The following GPD2 variants were observed in gnomAD, a reference collection of about 807,000 sequenced individuals.
The protein encoded by GPD2 is glycerol-3-phosphate dehydrogenase 2.
A neutral mutation model predicts 82.4 loss-of-function variants in GPD2; 54 were observed. The ratio of observed to expected loss-of-function variants is 0.66; its 90% CI spans 0.53 to 0.82. The LOEUF is 0.82. GPD2 is among the 40% of genes least tolerant of loss of function. The pLI is 0.00. For missense variants in GPD2, 748 were observed against 896.2 expected (o/e 0.83, Z 2.11); for synonymous variants, 288 against 306.1 (o/e 0.94, Z 0.62).
the GPD2 span, among the ~76,000 whole-genome samples, chr2:156,429,015 G>A: frequency 2.4e-4 from 36 of 152,286 alleles, no homozygotes; most frequent in African/African-American, 8.7e-4. Flanking sequence ...TCACTTTAAA[G>A]CTAATCATGT....
At chr2:156,523,670 C>CTAGATAGATAGATAGA (rs3086039) in intron 6 of GPD2, among the ~76,000 whole-genome samples, 122 of 146,700 alleles carry the variant, frequency 8.3e-4, no homozygotes, top group Middle Eastern at 3.5e-3. Flanking sequence ...AATTTCTTTT[C>CTAGATAGATAGATAGA]TAGATAGATA....
intron 1 of GPD2, among the ~76,000 whole-genome samples, chr2:156,468,228 G>C (rs1463313860): frequency 6.6e-6 from 1 of 152,130 alleles, no homozygotes; most frequent in East Asian, 1.9e-4. Flanking sequence ...GAGGGAAGAG[G>C]CTTTTGAGCT....
the GPD2 span, among the ~76,000 whole-genome samples, chr2:156,416,012 C>T: frequency 6.9e-6 from 1 of 145,206 alleles, no homozygotes; most frequent in Non-Finnish European, 1.5e-5. Flanking sequence ...CAGAGCGAGA[C>T]TCCGTCTCAA....
At chr2:156,516,367 A>G (rs932869947) in intron 6 of GPD2, among the ~76,000 whole-genome samples, 6 of 152,282 alleles carry the variant, frequency 3.9e-5, no homozygotes, top group South Asian at 2.1e-4. Flanking sequence ...AATAATTTTT[A>G]TAACTCCCAC....
intron 6 of GPD2, among the ~76,000 whole-genome samples, chr2:156,546,059 A>C (rs1686519768): frequency 6.6e-6 from 1 of 152,220 alleles, no homozygotes; most frequent in Non-Finnish European, 1.5e-5. Context: ...AAGAGAAAAC[A>C]GTTATAGTTC....
chr2:156,410,388 C>T, the GPD2 span, among the ~76,000 whole-genome samples: 2 of 152,208 alleles, frequency 1.3e-5, no homozygotes, highest in Non-Finnish European at 1.5e-5. Flanking sequence ...AAGGAGGACA[C>T]AAAACCTCAG....
chr2:156,579,644 T>C (rs1360302030), intron 15 of GPD2, 46 bp from the exon 16 acceptor site: 5 of 981,222 alleles, frequency 5.1e-6, no homozygotes, highest in Non-Finnish European at 8.2e-6. Context: ...AGCATATGCA[T>C]AATTTTTAAT....
chr2:156,401,868 A>C, the GPD2 span, among the ~76,000 whole-genome samples: 2 of 152,356 alleles, frequency 1.3e-5, no homozygotes, highest in East Asian at 3.8e-4. Context: ...AGGGGAAAAA[A>C]ATAAAGTGAA....
At chr2:156,494,420 AC>A (rs1424481400) in intron 2 of GPD2, among the ~76,000 whole-genome samples, 3 of 152,192 alleles carry the variant, frequency 2.0e-5, no homozygotes, top group Non-Finnish European at 2.9e-5. Context: ...GTCAACAGTT[AC>A]ATTGCTGGTA....
At chr2:156,458,525 G>A (rs1272348847) in intron 1 of GPD2, among the ~76,000 whole-genome samples, 1 of 152,148 alleles carries the variant, frequency 6.6e-6, no homozygotes, top group Non-Finnish European at 1.5e-5. Flanking sequence ...TTTTAGTTAG[G>A]GTGGAGATTT....
the GPD2 span, among the ~76,000 whole-genome samples, chr2:156,428,462 A>G: frequency 2.0e-5 from 3 of 152,230 alleles, no homozygotes; most frequent in African/African-American, 7.2e-5. Flanking sequence ...CTTGTACCAC[A>G]TTTGACTATT....
In GPD2 at chr2:156,586,262, A is replaced by G. The variant is rs1304024038; in HGVS notation, c.*3344A>G. ...ACAAACTGTGTTTTTGATGACACAA[A>G]AGTGAAATATCTACAGAGATAGATG... is the stretch of plus-strand genomic sequence containing the variant. On this transcript the variant is annotated 3_prime_UTR_variant, in exon 17 of 17. Coordinates refer to ENST00000438166, the MANE Select transcript of GPD2 (RefSeq NM_000408.5). 5 of 152,422 alleles carry G rather than the reference A, an allele frequency of 3.3e-5. No individual in the cohort carries two copies. In the Admixed American group the frequency reaches 3.3e-4, roughly 10 times the overall value. The allele number at this position is 152,422 out of a possible 1,614,324, so 9.4% of individuals were successfully genotyped here. A position where few individuals can be genotyped will look rare whatever the true frequency, so the allele number is the denominator to read the frequency against.
chr2:156,550,892 C>T, intron 8 of GPD2, 146 bp downstream of exon 8: 2 of 762,818 alleles, frequency 2.6e-6, no homozygotes, highest in Admixed American at 2.1e-5. Flanking sequence ...TCTTCCAAAA[C>T]ACAAAATACA....
chr2:156,540,072 T>C (rs1686247085), intron 6 of GPD2, among the ~76,000 whole-genome samples: 2 of 152,132 alleles, frequency 1.3e-5, no homozygotes, highest in South Asian at 4.2e-4. Flanking sequence ...TGATAGGACA[T>C]TGAGCAGCAG....
chr2:156,570,891 G>A (rs1256676831), intron 12 of GPD2, among the ~76,000 whole-genome samples: 1 of 152,142 alleles, frequency 6.6e-6, no homozygotes, highest in African/African-American at 2.4e-5. Flanking sequence ...TTTATGCCAG[G>A]TTCTATTCAG....
At chr2:156,426,284 A>T in the GPD2 span, among the ~76,000 whole-genome samples, 1 of 152,228 alleles carries the variant, frequency 6.6e-6, no homozygotes, top group East Asian at 1.9e-4. Context: ...ATGGCCAGGG[A>T]GGCGGCAGAA....
At chr2:156,544,801 C>G (rs1465049076) in intron 6 of GPD2, among the ~76,000 whole-genome samples, 1 of 152,182 alleles carries the variant, frequency 6.6e-6, no homozygotes, top group Non-Finnish European at 1.5e-5. Context: ...ATTCCCCCAG[C>G]CATGTTAATG....
intron 1 of GPD2, among the ~76,000 whole-genome samples, chr2:156,467,180 C>A (rs932556668): frequency 3.3e-5 from 5 of 151,808 alleles, no homozygotes; most frequent in African/African-American, 1.2e-4. Context: ...CTGGGGTGGG[C>A]CCTTCTGGCA....
chr2:156,400,355 G>A, the GPD2 span, among the ~76,000 whole-genome samples: 1 of 152,210 alleles, frequency 6.6e-6, no homozygotes, highest in Non-Finnish European at 1.5e-5. Context: ...TTTGGACCGG[G>A]GTTCTACCCG....
Sources: gnomAD v4.1 joint callset for allele counts (sites outside exome capture counted in the v4.1 genomes callset) on GRCh38, gnomAD v4.1.1 for gene constraint, MANE v1.5 for transcripts, NCBI Gene and HGNC (gene_info 2026-07-23, HGNC 2026-07-21) for gene names.